The following CFAP221 variants were observed in gnomAD, a reference collection of about 807,000 sequenced individuals.
The protein encoded by CFAP221 is cilia- and flagella-associated protein 221.
Under a neutral mutation model 113.1 loss-of-function variants are expected in CFAP221, and 97 were observed. That is an observed-to-expected ratio of 0.86 (90% CI 0.73 to 1.02). The LOEUF (loss-of-function observed/expected upper bound fraction) is 1.02, where lower values mean the gene tolerates loss of function less well. Among genes scored for constraint, CFAP221 ranks in the 50% least tolerant of loss-of-function variants. The pLI is 0.00. For synonymous variants in CFAP221, 331 were observed against 354.4 expected (o/e 0.93, Z 0.74); for missense variants, 1,025 against 1,013.4 (o/e 1.01, Z -0.16).
At chr2:119,567,606 G>C (rs1681741855) in intron 6 of CFAP221, among the ~76,000 whole-genome samples, 1 of 152,172 alleles carries the variant, frequency 6.6e-6, no homozygotes, top group Non-Finnish European at 1.5e-5. Context: ...TTGTGTGGAT[G>C]TAAGTTTTCA....
intron 7 of CFAP221, among the ~76,000 whole-genome samples, chr2:119,596,046 G>A (rs1683944731): frequency 6.6e-6 from 1 of 152,108 alleles, no homozygotes; most frequent in Non-Finnish European, 1.5e-5. Flanking sequence ...CGAGGAGGGT[G>A]GGTATTAGGA....
At chr2:119,646,436 G>A (rs1225595402) in intron 21 of CFAP221, among the ~76,000 whole-genome samples, 1 of 152,122 alleles carries the variant, frequency 6.6e-6, no homozygotes, top group Non-Finnish European at 1.5e-5. Context: ...AGAGCAGGAG[G>A]AAGAGTGACG....
At chr2:119,561,005 A>G (rs918570545) in intron 5 of CFAP221, among the ~76,000 whole-genome samples, 6 of 152,200 alleles carry the variant, frequency 3.9e-5, no homozygotes, top group East Asian at 1.9e-4. Context: ...TAAAAAAAAA[A>G]TGGCCAGGCG....
intron 15 of CFAP221, among the ~76,000 whole-genome samples, chr2:119,626,370 G>T (rs1686306885): frequency 6.6e-6 from 1 of 152,120 alleles, no homozygotes; most frequent in Non-Finnish European, 1.5e-5. Context: ...ATGATATAAA[G>T]TGGATCTCTG....
intron 6 of CFAP221, chr2:119,572,412 A>G: frequency 5.4e-6 from 3 of 553,674 alleles, no homozygotes; most frequent in Admixed American, 5.6e-5. Flanking sequence ...AGTATTATAG[A>G]TAAAATACAA....
chr2:119,602,569 TGATATCTTA>T (rs1684440211), intron 8 of CFAP221: 1 of 959,230 alleles, frequency 1.0e-6, no homozygotes, highest in Non-Finnish European at 1.2e-6. Flanking sequence ...ACTCACTCCA[TGATATCTTA>T]GATATTTATA....
rs1353713333 is a variant in CFAP221 at position 119,552,270 on chromosome 2, A to C, written c.240+3085A>C. ...TTTTAATCATATTATTGTACACTTT[A>C]CTATTTATTTATTTCATAATAAATA... is the stretch of plus-strand genomic sequence containing the variant. On this transcript the variant is annotated intron_variant, in intron 3 of 23. Transcript: ENST00000413369. Among the ~76,000 whole-genome samples, 36 of 145,254 alleles carry C rather than the reference A, an allele frequency of 2.5e-4. No individual in the cohort carries two copies. The Admixed American group carries it at 2.6e-3, about 10-fold the overall frequency.
chr2:119,604,626 G>C, intron 8 of CFAP221, 46 bp from the exon 9 acceptor site: 2 of 1,471,978 alleles, frequency 1.4e-6, no homozygotes, highest in Non-Finnish European at 1.8e-6. Context: ...TAGGAACCTT[G>C]AGTTAATGGC....
At position 119,611,825 on chromosome 2, in the gene CFAP221, G is replaced by A; in HGVS notation, c.1311+83G>A. On this transcript the variant is annotated intron_variant, in intron 13 of 23. Coordinates refer to ENST00000413369, the MANE Select transcript of CFAP221 (RefSeq NM_001271049.2). ...TTTTTGAATGCTAAACAATTTTATA[G>A]AAATCCTTTACCAAGAGATATTTAA... The A allele has an allele frequency of 3.0e-6, 3 of 1,010,230 alleles. No homozygotes were observed. In the South Asian group the frequency reaches 4.3e-5, roughly 14 times the overall value. The allele number at this position is 1,010,230 out of a possible 1,614,324, so 62.6% of individuals were successfully genotyped here. A position where few individuals can be genotyped will look rare whatever the true frequency, so the allele number is the denominator to read the frequency against.
At chr2:119,605,687 T>TG (rs1365831528) in intron 11 of CFAP221, among the ~76,000 whole-genome samples, 10 of 152,166 alleles carry the variant, frequency 6.6e-5, no homozygotes, top group Admixed American at 1.3e-4. Context: ...GGTGAGGCTC[T>TG]GGGGGGCTCC....
At chr2:119,626,978 G>A (rs1425008404) in intron 15 of CFAP221, among the ~76,000 whole-genome samples, 1 of 151,010 alleles carries the variant, frequency 6.6e-6, no homozygotes, top group East Asian at 1.9e-4. Flanking sequence ...GCCCAGCTTG[G>A]CTGGGACTGT....
At chr2:119,614,673 CACA>C (rs1685406509) in intron 13 of CFAP221, among the ~76,000 whole-genome samples, 1 of 152,186 alleles carries the variant, frequency 6.6e-6, no homozygotes, top group Non-Finnish European at 1.5e-5. Context: ...TGGTCCCTCC[CACA>C]ACACCTGGGG....
At chr2:119,634,070 T>C (rs577266137) in intron 19 of CFAP221, among the ~76,000 whole-genome samples, 3 of 152,274 alleles carry the variant, frequency 2.0e-5, no homozygotes, top group Admixed American at 6.5e-5. Flanking sequence ...ATTTCACTAC[T>C]GCACTTCTGC....
At chr2:119,623,257 C>T (rs1686064854) in intron 14 of CFAP221, among the ~76,000 whole-genome samples, 3 of 152,108 alleles carry the variant, frequency 2.0e-5, no homozygotes, top group Admixed American at 2.0e-4. Context: ...GAGTGAACTC[C>T]CATTCACAAT....
intron 6 of CFAP221, among the ~76,000 whole-genome samples, chr2:119,565,829 G>C (rs1380177211): frequency 6.6e-6 from 1 of 152,120 alleles, no homozygotes; most frequent in African/African-American, 2.4e-5. Flanking sequence ...AACAGGACAG[G>C]GGGTGACTAC....
intron 6 of CFAP221, chr2:119,586,827 A>G (rs936394751): frequency 1.9e-5 from 5 of 262,618 alleles, no homozygotes; most frequent in African/African-American, 6.7e-5. Context: ...AATCGACTAC[A>G]TTAAATCATG....
chr2:119,640,088 C>A (rs749554352), intron 21 of CFAP221, among the ~76,000 whole-genome samples: 1 of 151,986 alleles, frequency 6.6e-6, no homozygotes, highest in Non-Finnish European at 1.5e-5. Flanking sequence ...TCCTAGGTGA[C>A]GAATTGGCAA....
chr2:119,614,910 A>G (rs1343378161), intron 13 of CFAP221, among the ~76,000 whole-genome samples: 3 of 152,160 alleles, frequency 2.0e-5, no homozygotes, highest in Admixed American at 1.3e-4. Flanking sequence ...AGTCTTGCCA[A>G]TGGCGCTTCC....
chr2:119,572,145 C>A (rs968992073), intron 6 of CFAP221, among the ~76,000 whole-genome samples: 1 of 152,302 alleles, frequency 6.6e-6, no homozygotes, highest in Admixed American at 6.5e-5. Flanking sequence ...AGATAAAATT[C>A]TATGTGGGCA....
Sources: gnomAD v4.1 joint callset for allele counts (sites outside exome capture counted in the v4.1 genomes callset) on GRCh38, gnomAD v4.1.1 for gene constraint, MANE v1.5 for transcripts, NCBI Gene and HGNC (gene_info 2026-07-23, HGNC 2026-07-21) for gene names.